SPPL2A: variants seen among roughly 807,000 people sequenced by gnomAD.
SPPL2A encodes signal peptide peptidase-like 2A.
SPPL2A carries 51 observed loss-of-function variants against 63.8 expected under a neutral mutation model. The observed-to-expected ratio is 0.80, with a 90% CI of 0.64 to 1.01. The LOEUF (loss-of-function observed/expected upper bound fraction) is 1.01, where lower values mean the gene tolerates loss of function less well. Ranked by LOEUF, SPPL2A falls within the 50% of genes least tolerant of loss-of-function variation. The pLI is 0.00. For synonymous variants in SPPL2A, 188 were observed against 205.8 expected (o/e 0.91, Z 0.74); for missense variants, 553 against 622.7 (o/e 0.89, Z 1.19).
In SPPL2A at chr15:50,703,908, T is replaced by A. The variant is rs1249476486; in HGVS notation, c.*3892A>T. ...GAGCAAAGAAAACTGGAAAGCTCATTTGTATTTATTATAAATGTATCAATT... is the reference window on the plus strand; with the variant it reads ...GAGCAAAGAAAACTGGAAAGCTCATATGTATTTATTATAAATGTATCAATT... On this transcript the variant is annotated 3_prime_UTR_variant, in exon 15 of 15. Transcript: ENST00000261854. 1 of 152,122 alleles carries A rather than the reference T, an allele frequency of 6.6e-6. No individual in the cohort carries two copies. Among genetic ancestry groups the A allele is most frequent in the Non-Finnish European group, 1.5e-5 (1 of 68,034 alleles). The allele number at this position is 152,122 out of a possible 1,614,324, so 9.4% of individuals were successfully genotyped here.
intron 5 of SPPL2A, 104 bp from the exon 6 acceptor site, chr15:50,739,932 ATTTT>A: frequency 1.9e-6 from 1 of 537,740 alleles, no homozygotes; most frequent in Non-Finnish European, 2.9e-6. Flanking sequence ...AAAACAATGT[ATTTT>A]TATTTATTAA....
chr15:50,765,597 G>A lies in SPPL2A; in HGVS notation c.-64C>T, dbSNP rs551852112. ...GCAGCTCACTCGGCGGGGTAGGCTC[G>A]GAGTCCCGCCGCTGCGCTGCCTCCG... On this transcript the variant is annotated 5_prime_UTR_variant, in exon 1 of 15. Coordinates refer to ENST00000261854, the MANE Select transcript of SPPL2A (RefSeq NM_032802.4). 512 of 1,156,128 alleles carry A rather than the reference G, an allele frequency of 4.4e-4. 2 individuals carry two copies. The African/African-American group carries it at 7.5e-3, about 17-fold the overall frequency. 71.6% of individuals were successfully genotyped at this position (1,156,128 alleles called of 1,614,324 possible). A position where few individuals can be genotyped will look rare whatever the true frequency, so the allele number is the denominator to read the frequency against.
intron 1 of SPPL2A, among the ~76,000 whole-genome samples, chr15:50,757,015 A>G (rs191124506): frequency 3.2e-4 from 49 of 151,820 alleles, no homozygotes; most frequent in African/African-American, 1.2e-3. Flanking sequence ...CTTCTACAAT[A>G]CTGGCATGGG....
At chr15:50,731,798 G>C (rs2062733359) in intron 9 of SPPL2A, among the ~76,000 whole-genome samples, 1 of 150,492 alleles carries the variant, frequency 6.6e-6, no homozygotes. Context: ...CTTGGTGGTA[G>C]GTGCCTGTAA....
intron 5 of SPPL2A, among the ~76,000 whole-genome samples, chr15:50,747,015 G>C (rs572076307): frequency 1.3e-5 from 2 of 152,142 alleles, no homozygotes; most frequent in South Asian, 4.1e-4. Flanking sequence ...TAGTTGGCCT[G>C]AATGTTTTCA....
At chr15:50,721,325 C>G (rs574588704) in intron 13 of SPPL2A, among the ~76,000 whole-genome samples, 4 of 152,240 alleles carry the variant, frequency 2.6e-5, no homozygotes, top group Admixed American at 1.3e-4. Flanking sequence ...TGAGCCACCA[C>G]GTCTGGCCAG....
intron 14 of SPPL2A, among the ~76,000 whole-genome samples, chr15:50,716,550 G>T (rs2062600728): frequency 6.6e-6 from 1 of 152,252 alleles, no homozygotes; most frequent in Admixed American, 6.5e-5. Context: ...AAAGGGAAAT[G>T]AATTTTTTAT....
At chr15:50,728,505 G>A (rs996643683) in intron 10 of SPPL2A, among the ~76,000 whole-genome samples, 48 of 151,710 alleles carry the variant, frequency 3.2e-4, no homozygotes, top group Admixed American at 3.0e-3. Context: ...CACCATGCCC[G>A]GCTAATTTTT....
intron 1 of SPPL2A, among the ~76,000 whole-genome samples, chr15:50,754,055 C>G (rs1307720918): frequency 6.6e-6 from 1 of 152,194 alleles, no homozygotes. Context: ...TCTCAGCCTC[C>G]CAAAGTGCTG....
Position 50,736,644 on chromosome 15 carries a change from G to C in SPPL2A, c.830C>G (p.Thr277Arg). 1 of 1,507,380 alleles carries C rather than the reference G, an allele frequency of 6.6e-7. No individual in the cohort carries two copies. Among genetic ancestry groups the C allele is most frequent in the Non-Finnish European group, 9.2e-7 (1 of 1,088,138 alleles). The allele number at this position is 1,507,380 out of a possible 1,614,324, so 93.4% of individuals were successfully genotyped here. A position where few individuals can be genotyped will look rare whatever the true frequency, so the allele number is the denominator to read the frequency against. Residue 277 changes from threonine (T) to arginine (R), a missense_variant and splice_region_variant, in exon 7 of 15, where the codon ACG becomes AGG. Physicochemically the swap from Thr to Arg is moderately conservative, Grantham distance 71. Transcript: ENST00000261854. The stretch of plus-strand genomic sequence containing the variant: ...AAGATTTCCTGTAAGAGATACGTAC[G>C]TGCATTGTCCATATGGTATCTTATG... The part of the protein sequence containing the change: ...LIHKIPYGQC[T>R]IACRGKNMEV...
At chr15:50,730,448 C>T (rs1359925261) in intron 10 of SPPL2A, among the ~76,000 whole-genome samples, 1 of 152,036 alleles carries the variant, frequency 6.6e-6, no homozygotes, top group Non-Finnish European at 1.5e-5. Context: ...CAGAAGGCTT[C>T]GGTTGGGTTC....
chr15:50,725,004 C>T (rs1034072750), intron 12 of SPPL2A, among the ~76,000 whole-genome samples: 2 of 152,140 alleles, frequency 1.3e-5, no homozygotes, highest in Non-Finnish European at 2.9e-5. Flanking sequence ...CTCTAACAAA[C>T]TTTTTGAGCC....
chr15:50,725,905 C>CTTTT, intron 11 of SPPL2A: 1 of 301,960 alleles, frequency 3.3e-6, no homozygotes, highest in Non-Finnish European at 6.4e-6. Context: ...CACATTTAAC[C>CTTTT]TTTTTTTTTT....
chr15:50,709,892 C>G (rs1258249834), intron 14 of SPPL2A, among the ~76,000 whole-genome samples: 1 of 152,080 alleles, frequency 6.6e-6, no homozygotes, highest in Non-Finnish European at 1.5e-5. Flanking sequence ...CCAAAGATAT[C>G]CCCTAGATTT....
At position 50,747,503 on chromosome 15, in the gene SPPL2A, T is replaced by G; in HGVS notation, c.576A>C (p.Leu192=). ...AAGTTAATTAAACTTACAATTCAACTAGTCCACTCCAGTATCCACCTAATG... is the reference window on the plus strand; with the variant it reads ...AAGTTAATTAAACTTACAATTCAACGAGTCCACTCCAGTATCCACCTAATG... ...TVALGGYWSG[L]VELENLKAVT... The change falls in exon 5 of 15, where the codon CTA becomes CTC. Residue 192 remains leucine, a synonymous_variant. Transcript: ENST00000261854. The G allele has an allele frequency of 6.2e-7, 1 of 1,603,180 alleles. No homozygotes were observed. Among genetic ancestry groups the G allele is most frequent in the East Asian group, 2.2e-5 (1 of 44,786 alleles).
chr15:50,758,693 C>T (rs1053052016), intron 1 of SPPL2A, among the ~76,000 whole-genome samples: 4 of 152,214 alleles, frequency 2.6e-5, no homozygotes, highest in African/African-American at 9.6e-5. Flanking sequence ...AATATAAATG[C>T]TTAAGTCAGA....
At chr15:50,746,032 C>T (rs1215247111) in intron 5 of SPPL2A, among the ~76,000 whole-genome samples, 2 of 151,654 alleles carry the variant, frequency 1.3e-5, no homozygotes, top group African/African-American at 2.4e-5. Flanking sequence ...GCCTGCATGA[C>T]AGAGCAAGTC....
chr15:50,716,294 A>G (rs1466004401), intron 14 of SPPL2A, among the ~76,000 whole-genome samples: 1 of 152,148 alleles, frequency 6.6e-6, no homozygotes, highest in Admixed American at 6.6e-5. Context: ...TCCCAGGTTC[A>G]AGCACTTCTT....
chr15:50,757,441 G>C (rs188311445), intron 1 of SPPL2A, among the ~76,000 whole-genome samples: 1 of 152,018 alleles, frequency 6.6e-6, no homozygotes, highest in South Asian at 2.1e-4. Context: ...AGAGCTCATG[G>C]AACTCCTTTC....
Sources: gnomAD v4.1 joint callset for allele counts (sites outside exome capture counted in the v4.1 genomes callset) on GRCh38, gnomAD v4.1.1 for gene constraint, MANE v1.5 for transcripts, NCBI Gene and HGNC (gene_info 2026-07-23, HGNC 2026-07-21) for gene names.